Variants in KAZN observed in about 807,000 individuals in gnomAD.
The protein encoded by KAZN is kazrin, periplakin interacting protein.
KAZN carries 40 observed loss-of-function variants against 87.4 expected under a neutral mutation model. The observed-to-expected ratio is 0.46, with a 90% confidence interval of 0.36 to 0.60. The LOEUF (loss-of-function observed/expected upper bound fraction) is 0.60. KAZN is among the 20% of genes least tolerant of loss of function. The pLI is 0.00. For synonymous variants in KAZN, 466 were observed against 458.3 expected (o/e 1.02, Z -0.22); for missense variants, 898 against 1,073.9 (o/e 0.84, Z 2.29).
At chr1:14,674,954 T>TTTTAG (rs1331235593) in intron 1 of KAZN, among the ~76,000 whole-genome samples, 1 of 43,652 alleles carries the variant, frequency 2.3e-5, no homozygotes, top group Non-Finnish European at 5.6e-5. Context: ...ACCCAGCTAT[T>TTTTAG]TTTATTTTAT....
intron 2 of KAZN, among the ~76,000 whole-genome samples, chr1:14,544,789 C>T (rs999712110): frequency 2.2e-4 from 34 of 151,398 alleles, no homozygotes; most frequent in African/African-American, 8.0e-4. Flanking sequence ...AGGCTGTTCT[C>T]AAACTCCTGG....
At chr1:14,427,610 G>GTA (rs1419893726) in intron 2 of KAZN, among the ~76,000 whole-genome samples, 3 of 108,170 alleles carry the variant, frequency 2.8e-5, no homozygotes, top group Non-Finnish European at 5.6e-5. Context: ...TACTGTGTGT[G>GTA]TGTATATATA....
intron 1 of KAZN, among the ~76,000 whole-genome samples, chr1:14,857,921 C>A (rs1284001407): frequency 6.6e-6 from 1 of 152,134 alleles, no homozygotes; most frequent in Non-Finnish European, 1.5e-5. Flanking sequence ...TCATCACCCC[C>A]AAAAGATACT....
chr1:15,069,477 C>T (rs1021329916), intron 8 of KAZN, among the ~76,000 whole-genome samples: 9 of 152,222 alleles, frequency 5.9e-5, no homozygotes, highest in Non-Finnish European at 8.8e-5. Flanking sequence ...TGTAGCTCTA[C>T]TCAAAAGCCA....
intron 1 of KAZN, among the ~76,000 whole-genome samples, chr1:14,103,534 G>C (rs967161963): frequency 6.6e-5 from 10 of 152,144 alleles, no homozygotes; most frequent in African/African-American, 2.2e-4. Context: ...CCTTTCCATG[G>C]GCACTGGATA....
intron 2 of KAZN, among the ~76,000 whole-genome samples, chr1:15,017,417 A>G (rs763061975): frequency 1.7e-4 from 26 of 152,228 alleles, no homozygotes; most frequent in Admixed American, 5.9e-4. Flanking sequence ...GCTAAGTCCT[A>G]TTTATCTTGT....
chr1:14,623,193 T>G (rs566932266), intron 1 of KAZN, among the ~76,000 whole-genome samples: 19 of 152,288 alleles, frequency 1.2e-4, no homozygotes, highest in Non-Finnish European at 2.5e-4. Flanking sequence ...TGCAGCACTA[T>G]TCACAATAGC....
chr1:14,400,125 T>C (rs554736951), intron 2 of KAZN, among the ~76,000 whole-genome samples: 1 of 152,246 alleles, frequency 6.6e-6, no homozygotes, highest in East Asian at 1.9e-4. Context: ...ACCACTTCTA[T>C]CCTCCAGGGA....
chr1:14,103,430 G>A (rs1644302913), intron 1 of KAZN, among the ~76,000 whole-genome samples: 1 of 152,190 alleles, frequency 6.6e-6, no homozygotes, highest in South Asian at 2.1e-4. Flanking sequence ...TACAAGTTTA[G>A]CAGCTTAAAT....
chr1:14,252,324 C>T (rs1357759166), intron 2 of KAZN, among the ~76,000 whole-genome samples: 2 of 152,176 alleles, frequency 1.3e-5, no homozygotes, highest in Non-Finnish European at 2.9e-5. Context: ...CCCAGAATGA[C>T]TTGTCTATGA....
intron 2 of KAZN, among the ~76,000 whole-genome samples, chr1:14,443,007 T>C (rs1471030343): frequency 1.8e-4 from 27 of 152,184 alleles, no homozygotes; most frequent in Non-Finnish European, 1.9e-4. Context: ...CTCATTGAGC[T>C]GTTTGGGTGA....
At chr1:14,542,744 G>A (rs963686477) in intron 2 of KAZN, among the ~76,000 whole-genome samples, 8 of 152,162 alleles carry the variant, frequency 5.3e-5, no homozygotes, top group African/African-American at 1.9e-4. Flanking sequence ...GTATGTCCAT[G>A]TGTGCTCAGT....
chr1:14,329,790 G>C (rs1039125056), intron 2 of KAZN, among the ~76,000 whole-genome samples: 2 of 152,144 alleles, frequency 1.3e-5, no homozygotes, highest in Admixed American at 6.5e-5. Flanking sequence ...AGATAAGCCC[G>C]AGCTGAGGTT....
rs966061513 is a variant in KAZN, at chr1:14,968,671, G to A, written c.418+7796G>A. ...TTAGCTAGCACTGACTGAGCATGGA[G>A]CAGAAGAAAGGATCCGGAGTTTCCT... On this transcript the variant is annotated intron_variant, in intron 2 of 14. Coordinates refer to ENST00000376030, the MANE Select transcript of KAZN (RefSeq NM_201628.3). 2.0e-5 allele frequency among the ~76,000 whole-genome samples: 3 copies of A among 152,246 alleles called. No individual in the cohort carries two copies. In the East Asian group the frequency reaches 5.8e-4, roughly 29 times the overall value.
At position 14,949,506 on chromosome 1, in the gene KAZN, G is replaced by A. The variant is rs1662226999; in HGVS notation, c.227-11178G>A. On this transcript the variant is annotated intron_variant, in intron 1 of 14. Coordinates refer to ENST00000376030, the MANE Select transcript of KAZN (RefSeq NM_201628.3). The surrounding 1 kb of genome is among the most constrained non-coding windows in gnomAD (Gnocchi z 4.3). Reference sequence around the variant, plus strand: ...AGCAGTCGGGAACCCAGCCACTCTGGTGGCAGGCAGGTGCCTGCCTCTCCC... The same window carrying A: ...AGCAGTCGGGAACCCAGCCACTCTGATGGCAGGCAGGTGCCTGCCTCTCCC... Among the ~76,000 whole-genome samples, 1 of 152,204 alleles carries A rather than the reference G, an allele frequency of 6.6e-6. No homozygotes were observed. The highest frequency in any genetic ancestry group is 1.5e-5 in the Non-Finnish European group (1 of 68,048).
In KAZN at chr1:14,591,418, A is replaced by AACACACACACACACACACAC. The variant is rs36060158; in HGVS notation, c.250-7552_250-7533dup. Among the ~76,000 whole-genome samples the AACACACACACACACACACAC allele has an allele frequency of 3.5e-4, 51 of 147,392 alleles. 1 individual carries two copies. The highest frequency in any genetic ancestry group is 1.3e-3 in the African/African-American group (51 of 39,744). On this transcript the variant is annotated intron_variant, in intron 2 of 16. Coordinates refer to the KAZN transcript ENST00000636203. The stretch of plus-strand genomic sequence containing the variant: ...TAAGGCCCCGAACAGGGAAAGAAGA[A>AACACACACACACACACACAC]ACACACACACACACACACACACACA...
At chr1:14,876,396 T>A (rs538121819) in intron 1 of KAZN, among the ~76,000 whole-genome samples, 1 of 152,364 alleles carries the variant, frequency 6.6e-6, no homozygotes, top group Admixed American at 6.5e-5. Context: ...GGCAGGTGAT[T>A]AAACATGCCT....
In KAZN at chr1:14,772,565, G is replaced by A. The variant is rs182663306; in HGVS notation, c.226+173342G>A. Among the ~76,000 whole-genome samples the A allele has an allele frequency of 3.0e-3, 452 of 150,974 alleles. 7 individuals are homozygous for A. The highest frequency in any genetic ancestry group is 0.016 in the Admixed American group (237 of 15,198). ...GAGACCCCTCTTGGATCTAAGTGAA[G>A]AAGTGAGCTTGTGATGAATGTTTGT... On this transcript the variant is annotated intron_variant, in intron 1 of 14. Transcript: ENST00000376030.
intron 1 of KAZN, among the ~76,000 whole-genome samples, chr1:14,638,335 G>A (rs1420456554): frequency 2.0e-5 from 3 of 152,068 alleles, no homozygotes; most frequent in African/African-American, 7.2e-5. Flanking sequence ...TTGGGAGGCC[G>A]AGGCGGGCGG....
Sources: gnomAD v4.1 joint callset for allele counts (sites outside exome capture counted in the v4.1 genomes callset) on GRCh38, gnomAD v4.1.1 for gene constraint, Gnocchi (gnomAD v3.1) non-coding constraint, MANE v1.5 for transcripts, NCBI Gene and HGNC (gene_info 2026-07-23, HGNC 2026-07-21) for gene names.